Variants in DOCK7 observed in about 807,000 individuals in gnomAD.
DOCK7 encodes the protein dedicator of cytokinesis 7.
In DOCK7, 138 loss-of-function variants were observed where a neutral mutation model predicts 271.0. The observed-to-expected ratio is 0.51, with a 90% confidence interval of 0.44 to 0.59. DOCK7 has a LOEUF of 0.59. Ranked by LOEUF, DOCK7 falls within the 20% of genes least tolerant of loss-of-function variation. The pLI is 0.00. For synonymous variants in DOCK7, 823 were observed against 876.1 expected (o/e 0.94, Z 1.07); for missense variants, 2,066 against 2,592.4 (o/e 0.80, Z 4.41).
chr1:62,618,949 T>C, intron 13 of DOCK7, 81 bp from the exon 14 acceptor site: 1 of 1,309,960 alleles, frequency 7.6e-7, no homozygotes, highest in Admixed American at 2.2e-5. Flanking sequence ...ACTTGGATCC[T>C]ATTTTTGCAA....
At position 62,528,279 on chromosome 1, in the gene DOCK7, T is replaced by C; in HGVS notation, c.3808A>G (p.Ile1270Val). ...TETHNQRGRP[I>V]CIATDDYESE... Reference sequence around the variant, plus strand: ...TCATAATCATCAGTGGCTATACAAATTGGTCTTCCTCGTTGATTGTGAGTT... The same window carrying C: ...TCATAATCATCAGTGGCTATACAAACTGGTCTTCCTCGTTGATTGTGAGTT... The change falls in exon 31 of 50, where the codon ATT becomes GTT. Residue 1270 changes from isoleucine to valine, a missense_variant. By Grantham distance (29) the Ile-to-Val change is conservative (BLOSUM62 3). This residue lies in a region of DOCK7 where 1,414 missense variants were observed against 1,670.4 expected (regional missense o/e 0.85). Transcript: ENST00000635253. 1 of 1,612,528 alleles carries C rather than the reference T, an allele frequency of 6.2e-7. No homozygotes were observed. Among genetic ancestry groups the C allele is most frequent in the Non-Finnish European group, 8.5e-7 (1 of 1,179,336 alleles).
intron 14 of DOCK7, among the ~76,000 whole-genome samples, chr1:62,596,433 A>C (rs1309720607): frequency 3.9e-5 from 6 of 152,218 alleles, no homozygotes; most frequent in Admixed American, 2.0e-4. Context: ...ACTCAATAAG[A>C]ATAATCACTA....
chr1:62,465,915 A>G (rs1645663758), intron 48 of DOCK7, among the ~76,000 whole-genome samples: 1 of 152,222 alleles, frequency 6.6e-6, no homozygotes, highest in Non-Finnish European at 1.5e-5. Flanking sequence ...TGCTGTAAGA[A>G]AAGTGTATCT....
chr1:62,494,458 C>T lies in DOCK7; in HGVS notation c.5034G>A (p.Lys1678=), dbSNP rs1354555897. 1.9e-6 allele frequency: 3 copies of T among 1,597,090 alleles called. No individual in the cohort carries two copies. Among genetic ancestry groups the T allele is most frequent in the African/African-American group, 2.7e-5 (2 of 74,628 alleles). Residue 1678 remains lysine (K), a synonymous_variant, in exon 40 of 50, where the codon AAG becomes AAA. Coordinates refer to ENST00000635253, the MANE Select transcript of DOCK7 (RefSeq NM_001367561.1). ...GCAGATCTGGAGAGGTCTGGTAACC[C>T]TTGGCAATTCTAATTAGAACAGAAA... The part of the protein sequence containing the change: ...MLIDLMYRIA[K]GYQTSPDLRL...
chr1:62,462,997 T>C (rs1221721034), intron 48 of DOCK7, among the ~76,000 whole-genome samples: 1 of 141,650 alleles, frequency 7.1e-6, no homozygotes, highest in Admixed American at 7.3e-5. Flanking sequence ...TTTAACTACA[T>C]TAAATTTAAG....
At chr1:62,465,896 G>T (rs996594614) in intron 48 of DOCK7, among the ~76,000 whole-genome samples, 1 of 152,138 alleles carries the variant, frequency 6.6e-6, no homozygotes, top group Admixed American at 6.5e-5. Context: ...TTTTATGTGG[G>T]TATAGGATTG....
intron 43 of DOCK7, 130 bp from the exon 44 acceptor site, chr1:62,477,955 T>C: frequency 9.4e-7 from 1 of 1,064,624 alleles, no homozygotes. Context: ...AAAATTATAA[T>C]ATTTTAAATG....
chr1:62,481,311 TTG>T (rs1419810227), intron 43 of DOCK7: 5 of 152,048 alleles, frequency 3.3e-5, no homozygotes, highest in African/African-American at 1.2e-4. Flanking sequence ...AAATAAATGT[TTG>T]TGTGCAGAAT....
At chr1:62,633,656 T>C in intron 9 of DOCK7, 78 bp from the exon 10 acceptor site, 1 of 932,538 alleles carries the variant, frequency 1.1e-6, no homozygotes, top group South Asian at 1.4e-5. Context: ...CGAAAATCAA[T>C]ATAACACATT....
At chr1:62,582,077 A>T (rs1238257041) in intron 16 of DOCK7, among the ~76,000 whole-genome samples, 1 of 152,158 alleles carries the variant, frequency 6.6e-6, no homozygotes, top group Admixed American at 6.5e-5. Flanking sequence ...CTTGAAACAG[A>T]AGGAAAGGCA....
intron 37 of DOCK7, among the ~76,000 whole-genome samples, chr1:62,501,607 T>C (rs1198682228): frequency 6.6e-6 from 1 of 152,156 alleles, no homozygotes; most frequent in Non-Finnish European, 1.5e-5. Flanking sequence ...TTGTCTCAAG[T>C]AGAGTTTCTC....
chr1:62,462,877 C>T (rs988219837), intron 48 of DOCK7, among the ~76,000 whole-genome samples: 3 of 145,976 alleles, frequency 2.1e-5, no homozygotes, highest in Non-Finnish European at 3.0e-5. Context: ...AGGCACTCAC[C>T]GGCTCTTGCA....
chr1:62,545,611 T>C (rs1186705532), intron 22 of DOCK7, among the ~76,000 whole-genome samples: 3 of 152,154 alleles, frequency 2.0e-5, no homozygotes, highest in Non-Finnish European at 4.4e-5. Context: ...TCCTTCCTAA[T>C]AATGGATTTG....
At chr1:62,488,720 G>A in intron 42 of DOCK7, 1 of 578,468 alleles carries the variant, frequency 1.7e-6, no homozygotes, top group Non-Finnish European at 3.0e-6. Flanking sequence ...AAGCTATGCA[G>A]AAAGTTTATG....
intron 7 of DOCK7, among the ~76,000 whole-genome samples, chr1:62,646,359 G>C (rs1308764742): frequency 6.6e-6 from 1 of 152,086 alleles, no homozygotes; most frequent in Non-Finnish European, 1.5e-5. Flanking sequence ...AACAGGGAGT[G>C]ATTACTAACA....
intron 37 of DOCK7, among the ~76,000 whole-genome samples, chr1:62,500,652 G>T (rs954642111): frequency 6.6e-5 from 10 of 152,102 alleles, no homozygotes; most frequent in South Asian, 2.1e-4. Context: ...GCAGCTGGGG[G>T]AAAAATGTTA....
chr1:62,601,332 T>C, intron 14 of DOCK7: 1 of 671,070 alleles, frequency 1.5e-6, no homozygotes, highest in Non-Finnish European at 2.7e-6. Context: ...GATGCTGGGG[T>C]TCTTTTTACA....
chr1:62,676,428 T>C (rs1047467881), intron 1 of DOCK7, among the ~76,000 whole-genome samples: 2 of 152,242 alleles, frequency 1.3e-5, no homozygotes, highest in Non-Finnish European at 1.5e-5. Flanking sequence ...GATGGAAACG[T>C]TCTAAAACTA....
chr1:62,658,944 C>A lies in DOCK7; in HGVS notation c.144+4081G>T, dbSNP rs542399251. Among the ~76,000 whole-genome samples, 5 of 150,250 alleles carry A rather than the reference C, an allele frequency of 3.3e-5. No homozygotes were observed. In the South Asian group the frequency reaches 1.1e-3, roughly 32 times the overall value. On this transcript the variant is annotated intron_variant, in intron 2 of 49. Transcript: ENST00000635253. Reference sequence around the variant, plus strand: ...CTCCACCCTGGGTGACAGAGTGAGACCCCTGTCTCAAAAGAGAAAAAAAAA... The same window carrying A: ...CTCCACCCTGGGTGACAGAGTGAGAACCCTGTCTCAAAAGAGAAAAAAAAA...
Sources: allele counts gnomAD v4.1 joint callset (sites outside exome capture counted in the v4.1 genomes callset), GRCh38; gene constraint gnomAD v4.1.1; regional missense constraint gnomAD v4.1.1; transcripts MANE v1.5; gene names NCBI Gene and HGNC (gene_info 2026-07-23, HGNC 2026-07-21).